The following ASXL2 variants were observed in gnomAD, a reference collection of about 807,000 sequenced individuals.
ASXL2 encodes ASXL transcriptional regulator 2, also known as putative Polycomb group protein ASXL2.
In ASXL2, 23 loss-of-function variants were observed where a neutral mutation model predicts 122.0. That is an observed-to-expected ratio of 0.19 (90% CI 0.14 to 0.27). The LOEUF (loss-of-function observed/expected upper bound fraction) is 0.27. Among genes scored for constraint, ASXL2 ranks in the 10% least tolerant of loss-of-function variants. The probability of loss-of-function intolerance (pLI) is 1.00; values close to 1 mark genes in which losing one functional copy is unlikely to be tolerated. For missense variants in ASXL2, 1,518 were observed against 1,713.8 expected, an observed-to-expected ratio of 0.89 and a Z score of 2.02; for synonymous variants, 650 against 637.0, an observed-to-expected ratio of 1.02 and a Z score of -0.31.
rs1433641799 is a variant in ASXL2, at chr2:25,837,088, G to GC, written c.141-1549_141-1548insG. On this transcript the variant is annotated intron_variant, in intron 2 of 12. Transcript: ENST00000435504. ...TAAGGAAACTCCAAAGGGGGGTGGGGGGGGGGGGCGTGGGAAGCACTAAAG... is the reference window on the plus strand; with the variant it reads ...TAAGGAAACTCCAAAGGGGGGTGGGGCGGGGGGGGCGTGGGAAGCACTAAAG... Among the ~76,000 whole-genome samples, 4 of 123,248 alleles carry GC rather than the reference G, an allele frequency of 3.2e-5. No homozygotes were observed. The South Asian group carries it at 1.3e-3, about 39-fold the overall frequency. The allele number at this position is 123,248 out of a possible 152,430, so 80.9% of individuals were successfully genotyped here.
In ASXL2 at chr2:25,873,001, T is replaced by C. The variant is rs575186417; in HGVS notation, c.57+5165A>G. ...GGTGTTTGGTTACATGGATAAGTTC[T>C]TTAGTGGTGATTTCTGAGATTTTGG... On this transcript the variant is annotated intron_variant, in intron 1 of 12. Coordinates refer to ENST00000435504, the MANE Select transcript of ASXL2 (RefSeq NM_018263.6). Among the ~76,000 whole-genome samples the C allele has an allele frequency of 2.0e-5, 3 of 152,230 alleles. No individual in the cohort carries two copies. In the East Asian group the frequency reaches 5.8e-4, roughly 29 times the overall value.
Position 25,742,228 on chromosome 2 carries a change from C to T in ASXL2, c.4109G>A (p.Ser1370Asn). The T allele has an allele frequency of 1.9e-6, 3 of 1,614,002 alleles. No homozygotes were observed. Among genetic ancestry groups the T allele is most frequent in the Non-Finnish European group, 2.5e-6 (3 of 1,179,902 alleles). The change falls in exon 13 of 13, where the codon AGC (serine) becomes AAC (asparagine). Residue 1370 changes from serine (S) to asparagine (N), a missense_variant. By Grantham distance (46) the Ser-to-Asn change is conservative. Transcript: ENST00000435504. ...ATGGCTGCTGGGATTCATAGCTTGG[C>T]TAGCAGGGATGGTAGTGACAGTCAC... ...FSVTVTTIPA[S>N]QAMNPSSHGQ...
chr2:25,828,846 A>AC (rs1301047252), intron 3 of ASXL2, among the ~76,000 whole-genome samples: 85 of 151,202 alleles, frequency 5.6e-4, no homozygotes, highest in African/African-American at 1.7e-3. Context: ...AAAAAAAAAA[A>AC]AACAACAACC....
rs543467089 is a variant in ASXL2 at position 25,734,162 on chromosome 2, T to C, written c.*7867A>G. ...TTATGTTCTCTAGATCTTTCATGGATTCTAGAAATTTTGTGAATTCTCTGA... is the reference window on the plus strand; with the variant it reads ...TTATGTTCTCTAGATCTTTCATGGACTCTAGAAATTTTGTGAATTCTCTGA... On this transcript the variant is annotated 3_prime_UTR_variant, in exon 13 of 13. Coordinates refer to ENST00000435504, the MANE Select transcript of ASXL2 (RefSeq NM_018263.6). The C allele has an allele frequency of 3.9e-5, 6 of 152,190 alleles. No homozygotes were observed. In the South Asian group the frequency reaches 1.2e-3, roughly 32 times the overall value. The allele number at this position is 152,190 out of a possible 1,614,324, so 9.4% of individuals were successfully genotyped here.
intron 3 of ASXL2, among the ~76,000 whole-genome samples, chr2:25,807,659 T>C (rs1027919792): frequency 2.6e-5 from 4 of 152,122 alleles, no homozygotes; most frequent in Non-Finnish European, 5.9e-5. Context: ...CATGTACTCT[T>C]AGCCACTATT....
At chr2:25,843,146 A>G (rs891522756) in intron 2 of ASXL2, among the ~76,000 whole-genome samples, 1 of 151,926 alleles carries the variant, frequency 6.6e-6, no homozygotes, top group African/African-American at 2.4e-5. Flanking sequence ...TAAAAATACA[A>G]AAAACATTAG....
chr2:25,790,776 AAG>A (rs1559512191), intron 5 of ASXL2, among the ~76,000 whole-genome samples: 4 of 151,894 alleles, frequency 2.6e-5, no homozygotes, highest in Admixed American at 6.6e-5. Flanking sequence ...CAAACAAAAA[AAG>A]AGTCAATAAA....
At position 25,847,975 on chromosome 2, in the gene ASXL2, A is replaced by C. The variant is rs554788739; in HGVS notation, c.58-2412T>G. Reference sequence around the variant, plus strand: ...AATACAATTATTTGACTTTACTAGCAATCAAATGTAATACATTTTAATGTG... The same window carrying C: ...AATACAATTATTTGACTTTACTAGCCATCAAATGTAATACATTTTAATGTG... On this transcript the variant is annotated intron_variant, in intron 1 of 12. Transcript: ENST00000435504. 1.6e-4 allele frequency among the ~76,000 whole-genome samples: 25 copies of C among 152,358 alleles called. No individual in the cohort carries two copies. In the South Asian group the frequency reaches 5.2e-3, roughly 32 times the overall value.
chr2:25,768,953 A>T, intron 6 of ASXL2, 85 bp from the exon 7 acceptor site: 1 of 1,422,534 alleles, frequency 7.0e-7, no homozygotes. Context: ...AAATGGCAAG[A>T]AGCATGCTGA....
chr2:25,820,789 G>A (rs1334190531), intron 3 of ASXL2, among the ~76,000 whole-genome samples: 2 of 152,190 alleles, frequency 1.3e-5, no homozygotes, highest in African/African-American at 4.8e-5. Flanking sequence ...TTGGGAGGCT[G>A]AGGTGGGAGG....
intron 3 of ASXL2, among the ~76,000 whole-genome samples, chr2:25,817,962 C>T (rs1031312600): frequency 4.6e-5 from 7 of 152,110 alleles, no homozygotes; most frequent in Non-Finnish European, 8.8e-5. Context: ...GATCATATCA[C>T]CAAAACTTTT....
intron 5 of ASXL2, among the ~76,000 whole-genome samples, chr2:25,791,369 C>A (rs1272358156): frequency 6.6e-6 from 1 of 151,902 alleles, no homozygotes; most frequent in Non-Finnish European, 1.5e-5. Context: ...CGCCTATAAT[C>A]CCAGCTACTC....
At chr2:25,752,955 G>GA (rs2088070542) in intron 11 of ASXL2, among the ~76,000 whole-genome samples, 1 of 149,962 alleles carries the variant, frequency 6.7e-6, no homozygotes, top group Admixed American at 6.6e-5. Context: ...TTAATTCAAA[G>GA]TTTTTTTAGA....
At position 25,737,788 on chromosome 2, in the gene ASXL2, T is replaced by C. The variant is rs2087760332; in HGVS notation, c.*4241A>G. On this transcript the variant is annotated 3_prime_UTR_variant, in exon 13 of 13. Transcript: ENST00000435504. ...ATATATTTATTGCAAATACTTAAAA[T>C]TCTTATGTAAAATGATTTTCTATAT... 1 of 152,198 alleles carries C rather than the reference T, an allele frequency of 6.6e-6. No individual in the cohort carries two copies. The highest frequency in any genetic ancestry group is 6.5e-5 in the Admixed American group (1 of 15,282). The allele number at this position is 152,198 out of a possible 1,614,324, so 9.4% of individuals were successfully genotyped here.
At chr2:25,790,065 T>C (rs899246938) in intron 5 of ASXL2, among the ~76,000 whole-genome samples, 7 of 152,148 alleles carry the variant, frequency 4.6e-5, no homozygotes, top group African/African-American at 9.6e-5. Flanking sequence ...AAGATAAAAT[T>C]TGGCACCCTC....
Position 25,783,937 on chromosome 2 carries a change from C to T in ASXL2, c.404-12397G>A, listed in dbSNP as rs546454528. Among the ~76,000 whole-genome samples, 50 of 152,098 alleles carry T rather than the reference C, an allele frequency of 3.3e-4. 1 individual carries two copies. The South Asian group carries it at 9.5e-3, about 29-fold the overall frequency. Reference sequence around the variant, plus strand: ...GGCGTGGTGGCACATGCCTGTAATCCCAGCTACTTGGGAGGCTGAGGCAGG... The same window carrying T: ...GGCGTGGTGGCACATGCCTGTAATCTCAGCTACTTGGGAGGCTGAGGCAGG... On this transcript the variant is annotated intron_variant, in intron 5 of 12. Coordinates refer to ENST00000435504, the MANE Select transcript of ASXL2 (RefSeq NM_018263.6).
In ASXL2 at chr2:25,778,063, T is replaced by A. The variant is rs533109360; in HGVS notation, c.404-6523A>T. ...AGCCAGTAAGGAGCACAGCCAAGATTTGAACTTCATTTTCAGAGTAATGAA... is the reference window on the plus strand; with the variant it reads ...AGCCAGTAAGGAGCACAGCCAAGATATGAACTTCATTTTCAGAGTAATGAA... On this transcript the variant is annotated intron_variant, in intron 5 of 12. Transcript: ENST00000435504. Among the ~76,000 whole-genome samples the A allele has an allele frequency of 2.6e-5, 4 of 152,316 alleles. No individual in the cohort carries two copies. In the South Asian group the frequency reaches 8.3e-4, roughly 32 times the overall value.
rs2087828615 is a variant in ASXL2, at chr2:25,741,632, G to C, written c.*397C>G. On this transcript the variant is annotated 3_prime_UTR_variant, in exon 13 of 13. Coordinates refer to ENST00000435504, the MANE Select transcript of ASXL2 (RefSeq NM_018263.6). ...CACTTTCCTTTTCCTAGCTTCCTAG[G>C]AAATGTCAGAAGGGAGACAGCTTCC... 4.0e-6 allele frequency: 1 copy of C among 250,766 alleles called. No homozygotes were observed. The highest frequency in any genetic ancestry group is 2.2e-5 in the African/African-American group (1 of 45,634). 15.5% of individuals were successfully genotyped at this position (250,766 alleles called of 1,614,324 possible).
chr2:25,767,363 CAG>C (rs1491356856), intron 8 of ASXL2, among the ~76,000 whole-genome samples: 5 of 152,142 alleles, frequency 3.3e-5, no homozygotes, highest in African/African-American at 7.2e-5. Context: ...CAAAGGTAAA[CAG>C]GGGATAGCAG....
Sources: gnomAD v4.1 joint callset for allele counts (sites outside exome capture counted in the v4.1 genomes callset) on GRCh38, gnomAD v4.1.1 for gene constraint, MANE v1.5 for transcripts, NCBI Gene and HGNC (gene_info 2026-07-23, HGNC 2026-07-21) for gene names.